PCDH7: variants seen among roughly 807,000 people sequenced by gnomAD.
The protein encoded by PCDH7 is protocadherin 7, also known as protocadherin-7.
A neutral mutation model predicts 58.9 loss-of-function variants in PCDH7; 17 were observed. The ratio of observed to expected loss-of-function variants is 0.29; its 90% CI spans 0.20 to 0.43. The LOEUF is 0.43. Ranked by LOEUF, PCDH7 falls within the 20% of genes least tolerant of loss-of-function variation. The probability of loss-of-function intolerance (pLI) is 1.00; values close to 1 mark genes in which losing one functional copy is unlikely to be tolerated. For missense variants in PCDH7, 1,274 were observed against 1,441.0 expected (o/e 0.88, Z 1.88); for synonymous variants, 664 against 616.4 (o/e 1.08, Z -1.14).
At chr4:31,138,137 T>C in intron 3 of PCDH7, among the ~76,000 whole-genome samples, 2 of 112,302 alleles carry the variant, frequency 1.8e-5, no homozygotes, top group East Asian at 5.3e-4. Context: ...TTCCTTGTTA[T>C]TTCTAAAGAT....
intron 3 of PCDH7, among the ~76,000 whole-genome samples, chr4:31,083,095 A>G (rs906319521): frequency 5.3e-5 from 8 of 152,158 alleles, no homozygotes; most frequent in East Asian, 1.9e-4. Flanking sequence ...GCGACAGAGC[A>G]AGACTCCATC....
chr4:30,847,345 A>G (rs888042015), intron 1 of PCDH7, among the ~76,000 whole-genome samples: 3 of 151,994 alleles, frequency 2.0e-5, no homozygotes, highest in African/African-American at 7.2e-5. Flanking sequence ...GGGCTGATTC[A>G]AACTAGTTGT....
chr4:30,758,946 T>TG (rs1210990185), intron 1 of PCDH7, among the ~76,000 whole-genome samples: 2 of 148,992 alleles, frequency 1.3e-5, no homozygotes, highest in South Asian at 2.1e-4. Flanking sequence ...AAGTGTTTTT[T>TG]TTTTTTTTTT....
chr4:31,025,634 A>T (rs994794605), intron 3 of PCDH7, among the ~76,000 whole-genome samples: 1 of 152,248 alleles, frequency 6.6e-6, no homozygotes, highest in African/African-American at 2.4e-5. Context: ...CTAGAAAATT[A>T]ATCTAAAACC....
chr4:30,963,229 T>C (rs1748641095), intron 3 of PCDH7, among the ~76,000 whole-genome samples: 1 of 152,226 alleles, frequency 6.6e-6, no homozygotes, highest in African/African-American at 2.4e-5. Context: ...TAAAATAACA[T>C]GCTGTATGTT....
intron 3 of PCDH7, among the ~76,000 whole-genome samples, chr4:31,059,031 A>T (rs1757477413): frequency 6.6e-6 from 1 of 152,022 alleles, no homozygotes; most frequent in South Asian, 2.1e-4. Context: ...TTTCCCTTAT[A>T]TGGAGAAACC....
At chr4:31,049,120 GGTA>G (rs1756534953) in intron 3 of PCDH7, among the ~76,000 whole-genome samples, 4 of 152,074 alleles carry the variant, frequency 2.6e-5, no homozygotes, top group South Asian at 2.1e-4. Flanking sequence ...TTTAACGTTA[GGTA>G]TATCTCCTAA....
At chr4:30,754,524 C>G (rs529612770) in intron 1 of PCDH7, among the ~76,000 whole-genome samples, 1 of 151,878 alleles carries the variant, frequency 6.6e-6, no homozygotes, top group South Asian at 2.1e-4. Context: ...AAATTCACAC[C>G]CAATACAGGA....
intron 1 of PCDH7, among the ~76,000 whole-genome samples, chr4:30,914,405 T>C (rs1742155953): frequency 6.6e-6 from 1 of 152,156 alleles, no homozygotes; most frequent in Admixed American, 6.6e-5. Context: ...GAAACAAAAA[T>C]AGTTGATAAA....
intron 1 of PCDH7, among the ~76,000 whole-genome samples, chr4:30,806,324 T>C (rs1311960261): frequency 6.6e-6 from 1 of 151,970 alleles, no homozygotes; most frequent in East Asian, 1.9e-4. Flanking sequence ...CTTTTTTTTT[T>C]CAGACAGTCT....
At position 30,943,508 on chromosome 4, in the gene PCDH7, A is replaced by AAAACC. The variant is rs1162875945; in HGVS notation, c.288-6605_288-6601dup. On this transcript the variant is annotated intron_variant, in intron 2 of 3. Transcript: ENST00000509759. ...TGAACAAAATCTGTCAAAACAAAACAAAACCAAACCATGTTCTTCCCATTA... is the reference window on the plus strand; with the variant it reads ...TGAACAAAATCTGTCAAAACAAAACAAAACCAAACCAAACCATGTTCTTCCCATTA... Among the ~76,000 whole-genome samples, 18 of 152,254 alleles carry AAAACC rather than the reference A, an allele frequency of 1.2e-4. 1 individual carries two copies. In the South Asian group the frequency reaches 2.1e-3, roughly 18 times the overall value.
chr4:30,939,609 G>T (rs1056997045), intron 2 of PCDH7, among the ~76,000 whole-genome samples: 1 of 152,134 alleles, frequency 6.6e-6, no homozygotes, highest in Non-Finnish European at 1.5e-5. Context: ...TAATGTAAAT[G>T]TGAGAATGAA....
intron 1 of PCDH7, among the ~76,000 whole-genome samples, chr4:30,824,580 C>T (rs28712871): frequency 0.012 from 1,845 of 152,076 alleles, 37 homozygotes; most frequent in African/African-American, 0.042. Context: ...CTTACCTTGG[C>T]GCAGTGGCTA....
intron 1 of PCDH7, among the ~76,000 whole-genome samples, chr4:30,830,817 T>G (rs1281899432): frequency 6.6e-6 from 1 of 152,130 alleles, no homozygotes; most frequent in Non-Finnish European, 1.5e-5. Flanking sequence ...AAAAGTTTTA[T>G]GTATCATAAT....
chr4:31,104,433 A>G (rs1715295758), intron 3 of PCDH7, among the ~76,000 whole-genome samples: 1 of 152,238 alleles, frequency 6.6e-6, no homozygotes, highest in African/African-American at 2.4e-5. Context: ...CACTGGGAAG[A>G]AATCAGTTTG....
intron 3 of PCDH7, among the ~76,000 whole-genome samples, chr4:31,049,405 T>A (rs1448145083): frequency 1.3e-5 from 2 of 152,092 alleles, no homozygotes; most frequent in Non-Finnish European, 2.9e-5. Flanking sequence ...TAGGCCCTAG[T>A]TAGGAGAAAC....
rs562552095 is a variant in PCDH7, at chr4:30,810,128, GA to G, written c.70+85534del. On this transcript the variant is annotated intron_variant, in intron 1 of 3. Coordinates refer to the PCDH7 transcript ENST00000509759. ...ACCTAAAATACCTAATTTGAAACCT[GA>G]ATCAGGATTAGAATTCTCTCTCGTA... is the stretch of plus-strand genomic sequence containing the variant. 3.5e-3 allele frequency among the ~76,000 whole-genome samples: 535 copies of G among 152,220 alleles called. 5 individuals carry two copies. The highest frequency in any genetic ancestry group is 0.012 in the African/African-American group (499 of 41,532).
At chr4:30,788,729 G>A (rs1723742395) in intron 1 of PCDH7, among the ~76,000 whole-genome samples, 1 of 152,030 alleles carries the variant, frequency 6.6e-6, no homozygotes, top group South Asian at 2.1e-4. Flanking sequence ...TTAATTATGA[G>A]AGTGTGTGGA....
intron 1 of PCDH7, among the ~76,000 whole-genome samples, chr4:30,919,719 A>G (rs1168359639): frequency 6.6e-6 from 1 of 152,138 alleles, no homozygotes; most frequent in South Asian, 2.1e-4. Context: ...ATAGCTTTGT[A>G]TGATATGGAC....
Sources: gnomAD v4.1 joint callset for allele counts (sites outside exome capture counted in the v4.1 genomes callset) on GRCh38, gnomAD v4.1.1 for gene constraint, MANE v1.5 for transcripts, NCBI Gene and HGNC (gene_info 2026-07-23, HGNC 2026-07-21) for gene names.